CTNNA2: variants seen among roughly 807,000 people sequenced by gnomAD.
The protein encoded by CTNNA2 is catenin alpha-2.
CTNNA2 carries 42 observed loss-of-function variants against 101.0 expected under a neutral mutation model. The observed-to-expected ratio is 0.42, with a 90% confidence interval of 0.32 to 0.54. The LOEUF is 0.54. Among genes scored for constraint, CTNNA2 ranks in the 20% least tolerant of loss-of-function variants. The pLI, the probability that CTNNA2 is intolerant of heterozygous loss-of-function variation, is 0.14. For missense variants in CTNNA2, 871 were observed against 1,223.1 expected (o/e 0.71, Z 4.29); for synonymous variants, 450 against 456.4 (o/e 0.99, Z 0.18).
chr2:80,085,126 A>G (rs1699363134), intron 7 of CTNNA2, among the ~76,000 whole-genome samples: 1 of 152,098 alleles, frequency 6.6e-6, no homozygotes, highest in Non-Finnish European at 1.5e-5. Context: ...GTTAAGGTGA[A>G]CCAAAATCTT....
chr2:79,257,500 A>AG (rs1428129118), intron 2 of CTNNA2, among the ~76,000 whole-genome samples: 1 of 144,884 alleles, frequency 6.9e-6, no homozygotes, highest in African/African-American at 2.6e-5. Flanking sequence ...AAGTAGGTTA[A>AG]AAAAAAAAAA....
At chr2:79,571,221 G>C (rs1483507465) in intron 1 of CTNNA2, among the ~76,000 whole-genome samples, 1 of 152,114 alleles carries the variant, frequency 6.6e-6, no homozygotes, top group African/African-American at 2.4e-5. Flanking sequence ...GGAATGGTCA[G>C]TAACAAGTGT....
intron 9 of CTNNA2, among the ~76,000 whole-genome samples, chr2:80,500,189 A>C (rs1480587109): frequency 6.6e-6 from 1 of 152,220 alleles, no homozygotes; most frequent in Non-Finnish European, 1.5e-5. Flanking sequence ...ATAAAAAAGA[A>C]AGCGTGCAGA....
chr2:80,402,095 C>T (rs1327032811), intron 8 of CTNNA2, among the ~76,000 whole-genome samples: 1 of 152,160 alleles, frequency 6.6e-6, no homozygotes, highest in Non-Finnish European at 1.5e-5. Flanking sequence ...CTCAGGTCCA[C>T]CTAATTTGCC....
At chr2:80,090,250 A>G (rs1383617345) in intron 7 of CTNNA2, among the ~76,000 whole-genome samples, 2 of 151,376 alleles carry the variant, frequency 1.3e-5, no homozygotes, top group Non-Finnish European at 2.9e-5. Context: ...TGCTTGTGGA[A>G]CACACAGTCT....
chr2:80,035,093 T>C (rs563175581), intron 7 of CTNNA2, among the ~76,000 whole-genome samples: 2 of 152,270 alleles, frequency 1.3e-5, no homozygotes, highest in African/African-American at 2.4e-5. Context: ...CATTATGTAA[T>C]TGAGAAAAAG....
chr2:79,506,771 C>T (rs982938453), intron 5 of CTNNA2, among the ~76,000 whole-genome samples: 2 of 152,130 alleles, frequency 1.3e-5, no homozygotes, highest in Admixed American at 1.3e-4. Flanking sequence ...GAGATTCTGT[C>T]CCAAATCGTT....
At chr2:79,458,143 T>G (rs558873125) in intron 4 of CTNNA2, among the ~76,000 whole-genome samples, 1 of 152,186 alleles carries the variant, frequency 6.6e-6, no homozygotes, top group African/African-American at 2.4e-5. Context: ...AAAGCCCCAA[T>G]AGAAGATACA....
chr2:79,225,245 G>T (rs1431064681), intron 2 of CTNNA2, among the ~76,000 whole-genome samples: 1 of 152,016 alleles, frequency 6.6e-6, no homozygotes, highest in Non-Finnish European at 1.5e-5. Flanking sequence ...TTTTGCAGTC[G>T]CACTGACAAT....
At chr2:80,294,688 C>A (rs951160175) in intron 7 of CTNNA2, among the ~76,000 whole-genome samples, 7 of 152,044 alleles carry the variant, frequency 4.6e-5, no homozygotes, top group Non-Finnish European at 5.9e-5. Context: ...GGCCACACCC[C>A]AGACCAGTTA....
intron 7 of CTNNA2, among the ~76,000 whole-genome samples, chr2:80,274,776 A>G (rs1003026502): frequency 5.3e-5 from 8 of 152,164 alleles, no homozygotes; most frequent in African/African-American, 1.9e-4. Context: ...TGCCTGGAGA[A>G]GTTCTCAGCT....
At chr2:79,857,535 T>C (rs928941695) in intron 3 of CTNNA2, among the ~76,000 whole-genome samples, 2 of 152,228 alleles carry the variant, frequency 1.3e-5, no homozygotes, top group African/African-American at 4.8e-5. Flanking sequence ...GGTGCCTCTA[T>C]GATGTGTTCT....
chr2:79,488,919 G>A (rs1671183106), intron 4 of CTNNA2, among the ~76,000 whole-genome samples: 1 of 152,084 alleles, frequency 6.6e-6, no homozygotes, highest in Non-Finnish European at 1.5e-5. Context: ...GAAATTGCAT[G>A]TCCAAAGTTG....
rs570988330 is a variant in CTNNA2 at position 80,354,664 on chromosome 2, C to T, written c.1057-38547C>T. ...TAAATATTTGAATACATGACTTGATCATGTGCAGAATGATAGGGAAATATA... is the reference window on the plus strand; with the variant it reads ...TAAATATTTGAATACATGACTTGATTATGTGCAGAATGATAGGGAAATATA... On this transcript the variant is annotated intron_variant, in intron 7 of 18. Coordinates refer to ENST00000402739, the MANE Select transcript of CTNNA2 (RefSeq NM_001282597.3). 3.3e-5 allele frequency among the ~76,000 whole-genome samples: 5 copies of T among 152,252 alleles called. No homozygotes were observed. In the East Asian group the frequency reaches 7.7e-4, roughly 24 times the overall value.
intron 7 of CTNNA2, among the ~76,000 whole-genome samples, chr2:80,364,556 A>ATTTTTTTTTTTTTTTTTTTTTTTTTTTTT (rs57073635): frequency 8.1e-6 from 1 of 123,516 alleles, no homozygotes; most frequent in African/African-American, 3.0e-5. Flanking sequence ...AGAGAAAGTA[A>ATTTTTTTTTTTTTTTTTTTTTTTTTTTTT]TTTTTTTTTT....
At chr2:79,987,354 G>A (rs1288872975) in intron 7 of CTNNA2, among the ~76,000 whole-genome samples, 1 of 152,204 alleles carries the variant, frequency 6.6e-6, no homozygotes, top group African/African-American at 2.4e-5. Context: ...CATTGAAGCA[G>A]CTTGATGTGA....
chr2:80,592,942 C>T (rs1696638722), intron 15 of CTNNA2, among the ~76,000 whole-genome samples: 1 of 152,048 alleles, frequency 6.6e-6, no homozygotes, highest in Non-Finnish European at 1.5e-5. Context: ...AATACTTTTC[C>T]TTGACTTTCT....
chr2:80,590,199 C>T (rs1386077741), intron 15 of CTNNA2, among the ~76,000 whole-genome samples: 2 of 152,168 alleles, frequency 1.3e-5, no homozygotes, highest in Admixed American at 1.3e-4. Flanking sequence ...AAGATGATAT[C>T]TCTGCCCTTT....
At chr2:79,996,008 G>T (rs1692518752) in intron 7 of CTNNA2, among the ~76,000 whole-genome samples, 1 of 152,060 alleles carries the variant, frequency 6.6e-6, no homozygotes, top group African/African-American at 2.4e-5. Context: ...TCTTTTGCAG[G>T]CTTATTCTGG....
Sources: allele counts gnomAD v4.1 joint callset (sites outside exome capture counted in the v4.1 genomes callset), GRCh38; gene constraint gnomAD v4.1.1; transcripts MANE v1.5; gene names NCBI Gene and HGNC (gene_info 2026-07-23, HGNC 2026-07-21).